PAX2: variants seen among roughly 807,000 people sequenced by gnomAD.
The protein encoded by PAX2 is paired box 2.
PAX2 carries 9 observed loss-of-function variants against 41.7 expected under a neutral mutation model. The ratio of observed to expected loss-of-function variants is 0.22; its 90% CI spans 0.13 to 0.38. PAX2 has a LOEUF of 0.38. PAX2 is among the 10% of genes least tolerant of loss of function. The probability of loss-of-function intolerance (pLI) is 1.00; values close to 1 mark genes in which losing one functional copy is unlikely to be tolerated. For synonymous variants in PAX2, 221 were observed against 212.7 expected, an observed-to-expected ratio of 1.04 and a Z score of -0.34; for missense variants, 418 against 531.6, an observed-to-expected ratio of 0.79 and a Z score of 2.10.
chr10:100,772,085 G>A lies in PAX2; in HGVS notation c.411-7413G>A, dbSNP rs57183920. Among the ~76,000 whole-genome samples, 859 of 151,682 alleles carry A rather than the reference G, an allele frequency of 5.7e-3. 10 individuals are homozygous for A. Among genetic ancestry groups the A allele is most frequent in the African/African-American group, 0.02 (818 of 41,320 alleles). On this transcript the variant is annotated intron_variant, in intron 3 of 9. Transcript: ENST00000355243. ...CTCCCAAAGTGTTGTGATTACAGGC[G>A]TGAGCCACTGTGCCCGGCCACAAAT...
intron 3 of PAX2, among the ~76,000 whole-genome samples, chr10:100,766,337 T>C (rs1846028694): frequency 6.6e-6 from 1 of 152,222 alleles, no homozygotes; most frequent in Non-Finnish European, 1.5e-5. Flanking sequence ...CCATGGTGTG[T>C]GTTCCTCAGT....
chr10:100,770,143 C>T (rs137915697), intron 3 of PAX2, among the ~76,000 whole-genome samples: 1 of 152,304 alleles, frequency 6.6e-6, no homozygotes, highest in African/African-American at 2.4e-5. Flanking sequence ...GGAGGCCAGG[C>T]AGTCACTAGC....
chr10:100,821,059 G>A (rs761203683), intron 7 of PAX2, among the ~76,000 whole-genome samples: 3 of 152,202 alleles, frequency 2.0e-5, no homozygotes, highest in Admixed American at 6.5e-5. Flanking sequence ...GTGCTCTGTC[G>A]ATTCTTGCTT....
chr10:100,751,148 T>C (rs1006369326), intron 3 of PAX2, among the ~76,000 whole-genome samples: 6 of 152,192 alleles, frequency 3.9e-5, no homozygotes, highest in African/African-American at 7.2e-5. Flanking sequence ...TCCAAGTGTT[T>C]GTGGTAATTA....
chr10:100,748,196 T>C lies in PAX2; in HGVS notation c.44-1550T>C. 1 of 985,068 alleles carries C rather than the reference T, an allele frequency of 1.0e-6. No individual in the cohort carries two copies. The highest frequency in any genetic ancestry group is 1.2e-6 in the Non-Finnish European group (1 of 829,854). The allele number at this position is 985,068 out of a possible 1,614,324, so 61.0% of individuals were successfully genotyped here. ...CCCTGAGCCCGGGGAGGCTGAATTATTCATCTTTAATCTGCCCGCAGCTGC... is the reference window on the plus strand; with the variant it reads ...CCCTGAGCCCGGGGAGGCTGAATTACTCATCTTTAATCTGCCCGCAGCTGC... On this transcript the variant is annotated intron_variant, in intron 1 of 9. Coordinates refer to ENST00000355243, the MANE Select transcript of PAX2 (RefSeq NM_000278.5). This position sits in a 1 kb window ranked among gnomAD's most constrained non-coding sequence, Gnocchi z 5.0.
rs144145423 is a variant in PAX2 at position 100,755,090 on chromosome 10, T to TC, written c.410+4203dup. Among the ~76,000 whole-genome samples, 369 of 152,286 alleles carry TC rather than the reference T, an allele frequency of 2.4e-3. 3 individuals are homozygous for TC. Among genetic ancestry groups the TC allele is most frequent in the Middle Eastern group, 6.8e-3 (2 of 294 alleles). On this transcript the variant is annotated intron_variant, in intron 3 of 9. Coordinates refer to ENST00000355243, the MANE Select transcript of PAX2 (RefSeq NM_000278.5). ...CTCACCTGTCCTTTCCCAGAGACAG[T>TC]CCCCTACTGTGAGGTTACCCATCAT...
chr10:100,749,493 C>A (rs1288690386), intron 1 of PAX2: 5 of 1,327,738 alleles, frequency 3.8e-6, no homozygotes, highest in East Asian at 2.9e-5. Context: ...TCCAGTCCCC[C>A]CTTTGCTTTC....
intron 3 of PAX2, among the ~76,000 whole-genome samples, chr10:100,765,090 T>A (rs1845972646): frequency 6.6e-6 from 1 of 152,224 alleles, no homozygotes. Flanking sequence ...AGTTTGACAA[T>A]CATTGCAGTT....
intron 3 of PAX2, among the ~76,000 whole-genome samples, chr10:100,774,269 T>TG (rs1285870006): frequency 6.6e-6 from 1 of 152,088 alleles, no homozygotes; most frequent in Non-Finnish European, 1.5e-5. Flanking sequence ...TGGTGAGAGG[T>TG]GGGGGTCTTC....
intron 7 of PAX2, among the ~76,000 whole-genome samples, chr10:100,812,305 C>T (rs999444222): frequency 2.0e-5 from 3 of 152,226 alleles, no homozygotes; most frequent in Admixed American, 6.5e-5. Flanking sequence ...TCCCTTCCGC[C>T]GCTGGGCTGC....
intron 1 of PAX2, among the ~76,000 whole-genome samples, chr10:100,740,072 A>G (rs1323148761): frequency 1.6e-4 from 25 of 151,880 alleles, no homozygotes; most frequent in Non-Finnish European, 1.5e-4. Context: ...GCCTCTCCCC[A>G]CCGTCTCCTG....
chr10:100,778,300 C>A (rs995042232), intron 3 of PAX2, among the ~76,000 whole-genome samples: 1 of 152,236 alleles, frequency 6.6e-6, no homozygotes, highest in Non-Finnish European at 1.5e-5. Context: ...TGTTCAGCGA[C>A]TTCTTCCGCA....
chr10:100,748,338 C>T lies in PAX2; in HGVS notation c.44-1408C>T. The T allele has an allele frequency of 1.0e-6, 1 of 983,810 alleles. No individual in the cohort carries two copies. Among genetic ancestry groups the T allele is most frequent in the Non-Finnish European group, 1.2e-6 (1 of 829,000 alleles). 60.9% of individuals were successfully genotyped at this position (983,810 alleles called of 1,614,324 possible). On this transcript the variant is annotated intron_variant, in intron 1 of 9. Transcript: ENST00000355243. The surrounding 1 kb of genome is among the most constrained non-coding windows in gnomAD (Gnocchi z 5.0). ...GAGATAGGGAGATTAACGGGGTGGG[C>T]AAGGGGGTAAAAGAAGGGGCTTCAG... is the stretch of plus-strand genomic sequence containing the variant.
chr10:100,749,979 A>G, intron 2 of PAX2, 65 bp downstream of exon 2: 1 of 1,559,244 alleles, frequency 6.4e-7, no homozygotes, highest in Non-Finnish European at 8.7e-7. Context: ...CTGGGTCTCC[A>G]GCTGGAGGAC....
chr10:100,799,986 C>T (rs767906386), intron 5 of PAX2, among the ~76,000 whole-genome samples: 18 of 152,008 alleles, frequency 1.2e-4, no homozygotes, highest in Non-Finnish European at 2.1e-4. Flanking sequence ...GGGGTTTTAC[C>T]ATGTTGGCCA....
chr10:100,773,514 G>A (rs1024982987), intron 3 of PAX2, among the ~76,000 whole-genome samples: 2 of 152,278 alleles, frequency 1.3e-5, no homozygotes, highest in African/African-American at 4.8e-5. Context: ...TGATGGGTAG[G>A]TTAACTTGGA....
rs747639516 is a variant in PAX2, at chr10:100,749,822, C to T, written c.120C>T (p.Arg40=). ...CCCTACCCGACGTGGTGAGGCAGCG[C>T]ATCGTGGAGCTGGCCCACCAGGGTG... is the stretch of plus-strand genomic sequence containing the variant. ...GRPLPDVVRQ[R]IVELAHQGVR... is the part of the protein sequence containing the mutation. The change falls in exon 2 of 10, where the codon CGC becomes CGT. Residue 40 remains arginine, a synonymous_variant. Transcript: ENST00000355243. 3 of 1,611,706 alleles carry T rather than the reference C, an allele frequency of 1.9e-6. No homozygotes were observed. Among genetic ancestry groups the T allele is most frequent in the Non-Finnish European group, 2.5e-6 (3 of 1,178,982 alleles).
intron 6 of PAX2, 130 bp from the exon 7 acceptor site, chr10:100,808,979 TC>T (rs1366734687): frequency 8.1e-5 from 69 of 848,780 alleles, no homozygotes; most frequent in Non-Finnish European, 1.2e-4. Context: ...CCCCCGCATC[TC>T]CCCTCTGCCC....
chr10:100,748,688 T>G lies in PAX2; in HGVS notation c.44-1058T>G, dbSNP rs937750122. 5.1e-6 allele frequency: 5 copies of G among 985,248 alleles called. No individual in the cohort carries two copies. Among genetic ancestry groups the G allele is most frequent in the African/African-American group, 1.7e-5 (1 of 57,220 alleles). 61.0% of individuals were successfully genotyped at this position (985,248 alleles called of 1,614,324 possible). The stretch of plus-strand genomic sequence containing the variant: ...TCAGGCCTGGCACCCAGTGGCCGCC[T>G]CGGTTCCGAGATCGGGAGCCCGCGC... On this transcript the variant is annotated intron_variant, in intron 1 of 9. Transcript: ENST00000355243. This position sits in a 1 kb window ranked among gnomAD's most constrained non-coding sequence, Gnocchi z 5.0.
Sources: gnomAD v4.1 joint callset for allele counts (sites outside exome capture counted in the v4.1 genomes callset) on GRCh38, gnomAD v4.1.1 for gene constraint, Gnocchi (gnomAD v3.1) non-coding constraint, MANE v1.5 for transcripts, NCBI Gene and HGNC (gene_info 2026-07-23, HGNC 2026-07-21) for gene names.